The following KIFAP3 variants were observed in gnomAD, a reference collection of about 807,000 sequenced individuals.
KIFAP3 encodes kinesin associated protein 3.
KIFAP3 carries 68 observed loss-of-function variants against 106.5 expected under a neutral mutation model. That is an observed-to-expected ratio of 0.64 (90% confidence interval 0.53 to 0.78). The LOEUF is 0.78. KIFAP3 is among the 30% of genes least tolerant of loss of function. KIFAP3 has a pLI of 0.00. For synonymous variants in KIFAP3, 320 were observed against 311.5 expected, an observed-to-expected ratio of 1.03 and a Z score of -0.29; for missense variants, 780 against 941.8, an observed-to-expected ratio of 0.83 and a Z score of 2.25.
intron 1 of KIFAP3, among the ~76,000 whole-genome samples, chr1:170,061,079 T>C (rs1364042537): frequency 6.6e-6 from 1 of 152,180 alleles, no homozygotes; most frequent in African/African-American, 2.4e-5. Flanking sequence ...ACCTAGGCAA[T>C]ACCATTCAGG....
chr1:170,002,948 T>C (rs1332243251), intron 10 of KIFAP3, among the ~76,000 whole-genome samples: 1 of 152,136 alleles, frequency 6.6e-6, no homozygotes, highest in African/African-American at 2.4e-5. Flanking sequence ...GTTCTAATTA[T>C]ATGGACTTCT....
intron 19 of KIFAP3, among the ~76,000 whole-genome samples, chr1:169,940,617 C>T (rs553453866): frequency 5.3e-5 from 8 of 152,270 alleles, no homozygotes; most frequent in African/African-American, 1.7e-4. Flanking sequence ...GAATCTAATG[C>T]CGCTGCTCAT....
At chr1:170,048,835 G>T (rs1193940782) in intron 2 of KIFAP3, among the ~76,000 whole-genome samples, 2 of 152,228 alleles carry the variant, frequency 1.3e-5, no homozygotes, top group East Asian at 3.9e-4. Flanking sequence ...GCAGTCCGCA[G>T]ATCAGGAGAA....
At chr1:169,998,557 G>C (rs572555424) in intron 10 of KIFAP3, among the ~76,000 whole-genome samples, 102 of 151,974 alleles carry the variant, frequency 6.7e-4, no homozygotes, top group African/African-American at 2.4e-3. Flanking sequence ...TGTGAGTAAA[G>C]TTTCCCCTAG....
At chr1:169,938,962 T>C (rs190868135) in intron 19 of KIFAP3, among the ~76,000 whole-genome samples, 2 of 152,268 alleles carry the variant, frequency 1.3e-5, no homozygotes, top group Admixed American at 1.3e-4. Context: ...ACTGGAATAT[T>C]TGATGAGGCT....
At chr1:170,021,395 A>G (rs906774257) in intron 9 of KIFAP3, among the ~76,000 whole-genome samples, 2 of 151,676 alleles carry the variant, frequency 1.3e-5, no homozygotes, top group African/African-American at 4.8e-5. Context: ...TTGTTACAGC[A>G]AAACTTAATA....
chr1:169,930,877 CA>C lies in KIFAP3; in HGVS notation c.2274-9097del, dbSNP rs1663425397. Reference sequence around the variant, plus strand: ...TCCCTTCCAAATTAGCTCAGTCTATCATCTTGCTGGAAGTCCTTTTCATTTT... The same window carrying C: ...TCCCTTCCAAATTAGCTCAGTCTATCTCTTGCTGGAAGTCCTTTTCATTTT... On this transcript the variant is annotated intron_variant, in intron 19 of 19. Transcript: ENST00000361580. Among the ~76,000 whole-genome samples, 3 of 150,948 alleles carry C rather than the reference CA, an allele frequency of 2.0e-5. No individual in the cohort carries two copies. The South Asian group carries it at 6.3e-4, about 32-fold the overall frequency.
chr1:170,023,619 T>A lies in KIFAP3; in HGVS notation c.1020+799A>T, dbSNP rs141107400. On this transcript the variant is annotated intron_variant, in intron 9 of 19. Transcript: ENST00000361580. ...GATAAAATTGTAAACAGCTCAGTTA[T>A]CTGAAAACAAGGTAGGTTAATATAT... Among the ~76,000 whole-genome samples the A allele has an allele frequency of 7.9e-5, 12 of 152,224 alleles. 1 individual carries two copies. In the South Asian group the frequency reaches 2.1e-3, roughly 26 times the overall value.
At chr1:169,944,499 T>C (rs1334230621) in intron 19 of KIFAP3, among the ~76,000 whole-genome samples, 2 of 152,134 alleles carry the variant, frequency 1.3e-5, no homozygotes, top group Admixed American at 1.3e-4. Flanking sequence ...CTCCTTCTCG[T>C]TTCCCACAAC....
intron 19 of KIFAP3, among the ~76,000 whole-genome samples, chr1:169,952,903 A>G (rs533072703): frequency 2.0e-4 from 30 of 152,154 alleles, no homozygotes; most frequent in Non-Finnish European, 4.3e-4. Flanking sequence ...GTTATCGCAC[A>G]TTGGTCACAA....
intron 10 of KIFAP3, among the ~76,000 whole-genome samples, chr1:170,007,113 T>C (rs1187241851): frequency 6.6e-6 from 1 of 152,058 alleles, no homozygotes; most frequent in Non-Finnish European, 1.5e-5. Flanking sequence ...TTGAGTAATA[T>C]GAGTACTAGG....
intron 10 of KIFAP3, among the ~76,000 whole-genome samples, chr1:169,994,899 G>C (rs747425812): frequency 2.0e-5 from 3 of 152,042 alleles, no homozygotes; most frequent in African/African-American, 7.2e-5. Context: ...TAAGGATAAT[G>C]ATTATTGACT....
intron 19 of KIFAP3, among the ~76,000 whole-genome samples, chr1:169,943,975 C>A (rs1275775059): frequency 6.6e-6 from 1 of 152,196 alleles, no homozygotes; most frequent in Non-Finnish European, 1.5e-5. Context: ...TGCTGAATTT[C>A]TTCTACTAAG....
In KIFAP3 at chr1:169,921,783, TA is replaced by T; in HGVS notation, c.2274-3del. On this transcript the variant is annotated splice_region_variant and splice_polypyrimidine_tract_variant and intron_variant, in intron 19 of 19. Transcript: ENST00000361580. ...TGGCCAAAGCCATCCATTCCAAGGC[TA>T]AAAAAGAAAAAAAAGAATGATAAGC... The T allele has an allele frequency of 1.2e-6, 2 of 1,600,902 alleles. No homozygotes were observed. The highest frequency in any genetic ancestry group is 8.6e-7 in the Non-Finnish European group (1 of 1,168,698).
chr1:169,966,850 C>T (rs767658239), intron 17 of KIFAP3, among the ~76,000 whole-genome samples: 1 of 151,626 alleles, frequency 6.6e-6, no homozygotes, highest in African/African-American at 2.4e-5. Flanking sequence ...AACTGTTTAC[C>T]AAATAAAGCA....
At chr1:169,986,042 A>G (rs935757106) in intron 11 of KIFAP3, among the ~76,000 whole-genome samples, 25 of 151,868 alleles carry the variant, frequency 1.6e-4, no homozygotes, top group Non-Finnish European at 1.5e-4. Flanking sequence ...AGTTATTCCT[A>G]AAATTTATAA....
intron 10 of KIFAP3, among the ~76,000 whole-genome samples, chr1:170,015,690 G>A (rs1246720926): frequency 2.0e-5 from 3 of 152,116 alleles, no homozygotes; most frequent in Non-Finnish European, 4.4e-5. Context: ...TTAGGAAACT[G>A]CAAGTGTTTC....
rs904418681 is a variant in KIFAP3 at position 170,046,731 on chromosome 1, A to G, written c.300T>C (p.Arg100=). ...ACTTACCTTTTCCTGACAATGAATC[A>G]CGGCGGTTCTGTAGATAGTACAACA... ...EQLLYYLQNR[R]DSLSGKEKKE... The change falls in exon 3 of 20, where the codon CGT becomes CGC. Residue 100 remains arginine, a synonymous_variant. Coordinates refer to ENST00000361580, the MANE Select transcript of KIFAP3 (RefSeq NM_014970.4). 6.4e-7 allele frequency: 1 copy of G among 1,563,998 alleles called. No individual in the cohort carries two copies. The highest frequency in any genetic ancestry group is 1.4e-5 in the African/African-American group (1 of 73,034).
At chr1:169,946,761 G>C (rs914341736) in intron 19 of KIFAP3, among the ~76,000 whole-genome samples, 7 of 151,874 alleles carry the variant, frequency 4.6e-5, no homozygotes, top group Non-Finnish European at 8.8e-5. Flanking sequence ...GAGTAAAAAG[G>C]CTTAAACATT....
Sources: gnomAD v4.1 joint callset for allele counts (sites outside exome capture counted in the v4.1 genomes callset) on GRCh38, gnomAD v4.1.1 for gene constraint, MANE v1.5 for transcripts, NCBI Gene and HGNC (gene_info 2026-07-23, HGNC 2026-07-21) for gene names.